The following ANKAR variants were observed in gnomAD, a reference collection of about 807,000 sequenced individuals.
ANKAR encodes ankyrin and armadillo repeat-containing protein.
Under a neutral mutation model 146.2 loss-of-function variants are expected in ANKAR, and 136 were observed. The ratio of observed to expected loss-of-function variants is 0.93; its 90% CI spans 0.81 to 1.07. The LOEUF (loss-of-function observed/expected upper bound fraction) is 1.07, where lower values mean the gene tolerates loss of function less well. Ranked by LOEUF, ANKAR falls within the 50% of genes least tolerant of loss-of-function variation. ANKAR has a pLI of 0.00. For missense variants in ANKAR, 1,567 were observed against 1,679.9 expected (o/e 0.93, Z 1.18); for synonymous variants, 500 against 575.8 (o/e 0.87, Z 1.88).
Position 189,720,790 on chromosome 2 carries a change from G to A in ANKAR, c.2635+3G>A. The A allele has an allele frequency of 2.0e-6, 3 of 1,469,520 alleles. No individual in the cohort carries two copies. Among genetic ancestry groups the A allele is most frequent in the Non-Finnish European group, 2.7e-6 (3 of 1,113,926 alleles). 91.0% of individuals were successfully genotyped at this position (1,469,520 alleles called of 1,614,324 possible). A position where few individuals can be genotyped will look rare whatever the true frequency, so the allele number is the denominator to read the frequency against. ...CAGATTTCTGAGTTCTGATTCAGGT[G>A]AGCTTCTATCTCTGTATTATTTTAT... On this transcript the variant is annotated splice_donor_region_variant and intron_variant, in intron 12 of 22. Transcript: ENST00000684021.
chr2:189,713,457 C>A (rs2039984983), intron 10 of ANKAR, among the ~76,000 whole-genome samples: 1 of 152,118 alleles, frequency 6.6e-6, no homozygotes, highest in African/African-American at 2.4e-5. Context: ...GAGTGGGGGC[C>A]AATATTCAGC....
chr2:189,754,237 T>G, intron 18 of ANKAR: 4 of 1,613,906 alleles, frequency 2.5e-6, no homozygotes, highest in Non-Finnish European at 2.5e-6. Flanking sequence ...AAGGGAGGTT[T>G]GATGTCAAAA....
chr2:189,737,965 A>G (rs2042999426), intron 18 of ANKAR, 124 bp downstream of exon 18: 2 of 865,886 alleles, frequency 2.3e-6, no homozygotes, highest in Non-Finnish European at 3.3e-6. Flanking sequence ...TACTTTGCAC[A>G]TAAGCCCCTT....
intron 7 of ANKAR, 95 bp downstream of exon 7, chr2:189,696,464 G>C: frequency 6.5e-6 from 8 of 1,229,258 alleles, no homozygotes; most frequent in Middle Eastern, 2.0e-4. Flanking sequence ...GTTAAAATTT[G>C]GTATTAACTA....
intron 2 of ANKAR, among the ~76,000 whole-genome samples, chr2:189,687,196 T>C (rs2035726297): frequency 6.6e-6 from 1 of 152,176 alleles, no homozygotes; most frequent in African/African-American, 2.4e-5. Flanking sequence ...AATTTTTAGT[T>C]CCCACAAATA....
At chr2:189,735,962 T>G (rs577356361) in intron 17 of ANKAR, among the ~76,000 whole-genome samples, 2 of 152,306 alleles carry the variant, frequency 1.3e-5, no homozygotes, top group South Asian at 4.1e-4. Context: ...AAAGTAACAA[T>G]AAGTAACCAG....
intron 18 of ANKAR, chr2:189,755,048 A>T (rs1251955170): frequency 2.6e-6 from 3 of 1,170,868 alleles, no homozygotes; most frequent in African/African-American, 3.1e-5. Context: ...CCATATGTGA[A>T]TTTTTTTCAG....
chr2:189,753,394 A>G (rs1480067813), intron 18 of ANKAR, among the ~76,000 whole-genome samples: 1 of 152,190 alleles, frequency 6.6e-6, no homozygotes, highest in African/African-American at 2.4e-5. Context: ...TAATTTTTAA[A>G]TGAATAAAGT....
In ANKAR at chr2:189,733,124, C is replaced by T. The variant is rs750099758; in HGVS notation, c.3318C>T (p.Ser1106=). The T allele has an allele frequency of 6.9e-6, 11 of 1,602,452 alleles. No homozygotes were observed. Among genetic ancestry groups the T allele is most frequent in the South Asian group, 6.9e-5 (6 of 87,484 alleles). Reference sequence around the variant, plus strand: ...ATGTTTAGGTTGAAGTGGCATTTTCCTTGGCATGCATTGTCCTAGGGAATG... The same window carrying T: ...ATGTTTAGGTTGAAGTGGCATTTTCTTTGGCATGCATTGTCCTAGGGAATG... ...SPNIKVEVAF[S]LACIVLGNDV... Residue 1106 remains serine, a synonymous_variant, in exon 17 of 23, where the codon TCC becomes TCT. Coordinates refer to ENST00000684021, the MANE Select transcript of ANKAR (RefSeq NM_001378068.1).
At chr2:189,721,074 G>A (rs944587041) in intron 12 of ANKAR, among the ~76,000 whole-genome samples, 5 of 152,096 alleles carry the variant, frequency 3.3e-5, no homozygotes, top group African/African-American at 9.7e-5. Context: ...TGCAAACTCC[G>A]CCTCCCGGGT....
chr2:189,735,339 C>T (rs1225096), intron 17 of ANKAR, among the ~76,000 whole-genome samples: 149,476 of 152,304 alleles, frequency 0.98, 73,408 homozygotes, highest in East Asian at 1. Context: ...AGGATTTATC[C>T]GGCCTTGGCT....
intron 10 of ANKAR, among the ~76,000 whole-genome samples, chr2:189,714,963 AAAAAG>A (rs1385883491): frequency 1.4e-5 from 2 of 143,910 alleles, no homozygotes; most frequent in African/African-American, 2.5e-5. Context: ...AAAAAAAAAA[AAAAAG>A]AGAGAGAGAG....
intron 3 of ANKAR, 37 bp downstream of exon 3, chr2:189,690,001 G>T: frequency 7.4e-7 from 1 of 1,346,944 alleles, no homozygotes; most frequent in South Asian, 1.8e-5. Flanking sequence ...TAAAATATAG[G>T]TATATATTAA....
At chr2:189,710,961 T>A (rs1265635063) in intron 9 of ANKAR, 88 bp from the exon 10 acceptor site, 1 of 1,135,344 alleles carries the variant, frequency 8.8e-7, no homozygotes, top group Non-Finnish European at 1.3e-6. Flanking sequence ...ACTGTTGGTT[T>A]TATTTAGCTG....
At chr2:189,718,029 A>G (rs909957657) in intron 10 of ANKAR, among the ~76,000 whole-genome samples, 2 of 152,236 alleles carry the variant, frequency 1.3e-5, no homozygotes, top group Non-Finnish European at 2.9e-5. Context: ...TAGCACATGT[A>G]TACCTATGTA....
chr2:189,741,270 G>C (rs2043305475), intron 19 of ANKAR, 72 bp from the exon 20 acceptor site: 1 of 1,153,784 alleles, frequency 8.7e-7, no homozygotes, highest in Non-Finnish European at 1.2e-6. Context: ...TCAGTGCTAT[G>C]TGCAATTAAT....
At chr2:189,690,097 A>G (rs900665027) in intron 3 of ANKAR, 133 bp downstream of exon 3, 3 of 497,260 alleles carry the variant, frequency 6.0e-6, no homozygotes, top group African/African-American at 4.0e-5. Context: ...CAAACAATTT[A>G]ATGTCTCTAA....
chr2:189,700,335 AT>A (rs1214107037), intron 7 of ANKAR, among the ~76,000 whole-genome samples: 1 of 152,034 alleles, frequency 6.6e-6, no homozygotes, highest in Non-Finnish European at 1.5e-5. Flanking sequence ...TATAATTCTT[AT>A]TTTTGCTTCT....
chr2:189,696,074 C>A, intron 6 of ANKAR, 76 bp from the exon 7 acceptor site: 1 of 1,279,734 alleles, frequency 7.8e-7, no homozygotes, highest in Non-Finnish European at 1.1e-6. Context: ...TCTGTTAATA[C>A]ACTTCATGTA....
Sources: gnomAD v4.1 joint callset for allele counts (sites outside exome capture counted in the v4.1 genomes callset) on GRCh38, gnomAD v4.1.1 for gene constraint, MANE v1.5 for transcripts, NCBI Gene and HGNC (gene_info 2026-07-23, HGNC 2026-07-21) for gene names.